SFXN4: variants seen among roughly 807,000 people sequenced by gnomAD.
SFXN4 encodes sideroflexin-4.
In SFXN4, 48 loss-of-function variants were observed where a neutral mutation model predicts 54.6. The ratio of observed to expected loss-of-function variants is 0.88; its 90% confidence interval spans 0.70 to 1.12. The LOEUF is 1.12. Among genes scored for constraint, SFXN4 ranks in the 50% most tolerant of loss-of-function variants. The pLI is 0.00. For synonymous variants in SFXN4, 130 were observed against 145.5 expected (o/e 0.89, Z 0.77); for missense variants, 383 against 409.2 (o/e 0.94, Z 0.55).
At position 119,146,505 on chromosome 10, in the gene SFXN4, TTTTC is replaced by T. The variant is rs141488144; in HGVS notation, c.819-156_819-153del. ...AACACCTGGATCAGGGCCTGTTCTTTTTTCTTTTTGTTGTACCTGAACAGCTAGA... is the reference window on the plus strand; with the variant it reads ...AACACCTGGATCAGGGCCTGTTCTTTTTTTTGTTGTACCTGAACAGCTAGA... On this transcript the variant is annotated intron_variant, in intron 12 of 13. Transcript: ENST00000355697. 1.2e-3 allele frequency: 574 copies of T among 491,448 alleles called. 4 individuals carry two copies. Among genetic ancestry groups the T allele is most frequent in the African/African-American group, 0.01 (517 of 50,898 alleles). 30.4% of individuals were successfully genotyped at this position (491,448 alleles called of 1,614,324 possible).
intron 6 of SFXN4, among the ~76,000 whole-genome samples, chr10:119,159,017 C>T (rs1168695250): frequency 2.0e-5 from 3 of 151,818 alleles, no homozygotes; most frequent in Middle Eastern, 3.4e-3. Flanking sequence ...TGGTGGCTCA[C>T]GCCTGTAATC....
chr10:119,159,215 G>T (rs1374489572), intron 6 of SFXN4, among the ~76,000 whole-genome samples: 4 of 148,708 alleles, frequency 2.7e-5, no homozygotes, highest in East Asian at 2.0e-4. Context: ...GGGAGGCAGA[G>T]GTTGCAGCGA....
intron 11 of SFXN4, among the ~76,000 whole-genome samples, chr10:119,153,266 C>CA (rs1158116190): frequency 6.6e-6 from 1 of 151,836 alleles, no homozygotes; most frequent in Non-Finnish European, 1.5e-5. Context: ...CAAGCATGAG[C>CA]CAGGCATGGT....
At chr10:119,149,658 G>T (rs545368204) in intron 11 of SFXN4, among the ~76,000 whole-genome samples, 1 of 152,304 alleles carries the variant, frequency 6.6e-6, no homozygotes, top group East Asian at 1.9e-4. Flanking sequence ...ACTGAGGCAG[G>T]AGAATCACTT....
intron 6 of SFXN4, among the ~76,000 whole-genome samples, chr10:119,158,989 C>A (rs372487883): frequency 0.013 from 2,004 of 151,538 alleles, 47 homozygotes; most frequent in East Asian, 0.084. Flanking sequence ...TTTTAAAAAA[C>A]AAAAAACGGT....
At chr10:119,151,595 A>G (rs1026514095) in intron 11 of SFXN4, among the ~76,000 whole-genome samples, 24 of 151,682 alleles carry the variant, frequency 1.6e-4, no homozygotes, top group Non-Finnish European at 1.9e-4. Flanking sequence ...AGCTCACTGC[A>G]ACCTCTGCCT....
At chr10:119,149,616 G>T (rs1037092660) in intron 11 of SFXN4, among the ~76,000 whole-genome samples, 1 of 152,128 alleles carries the variant, frequency 6.6e-6, no homozygotes, top group South Asian at 2.1e-4. Flanking sequence ...CGGGCGTGGT[G>T]GTGGGCGCCT....
At chr10:119,158,792 G>C (rs1407031766) in intron 6 of SFXN4, among the ~76,000 whole-genome samples, 1 of 151,852 alleles carries the variant, frequency 6.6e-6, no homozygotes, top group African/African-American at 2.4e-5. Flanking sequence ...ACACCAGCCT[G>C]AGCAATGTAG....
chr10:119,157,482 G>A (rs1034698605), intron 9 of SFXN4, among the ~76,000 whole-genome samples, 186 bp downstream of exon 9: 1 of 151,386 alleles, frequency 6.6e-6, no homozygotes, highest in Admixed American at 6.6e-5. Flanking sequence ...ACAGTACCAT[G>A]TATATGCTTA....
intron 2 of SFXN4, among the ~76,000 whole-genome samples, chr10:119,163,057 C>T (rs1031643621): frequency 6.6e-6 from 1 of 152,188 alleles, no homozygotes; most frequent in Non-Finnish European, 1.5e-5. Flanking sequence ...CTCAGATTCT[C>T]AAAGTGCTGG....
In SFXN4 at chr10:119,160,980, A is replaced by G. The variant is rs765837756; in HGVS notation, c.280-11T>C. On this transcript the variant is annotated splice_polypyrimidine_tract_variant and intron_variant, in intron 4 of 13. Transcript: ENST00000355697. ...GGGATGCACTGTTGCCTTCAAAAGG[A>G]GAGATGCAAGGTTAGCTGGATGTCT... 6.2e-7 allele frequency: 1 copy of G among 1,614,160 alleles called. No homozygotes were observed. Among genetic ancestry groups the G allele is most frequent in the Non-Finnish European group, 8.5e-7 (1 of 1,180,018 alleles).
chr10:119,145,043 A>G (rs1006426613), intron 13 of SFXN4, among the ~76,000 whole-genome samples: 2 of 152,200 alleles, frequency 1.3e-5, no homozygotes, highest in African/African-American at 4.8e-5. Flanking sequence ...GTTAAGAAAA[A>G]CAGAACCCAA....
chr10:119,158,576 A>G (rs1847370660), intron 6 of SFXN4, among the ~76,000 whole-genome samples: 1 of 137,222 alleles, frequency 7.3e-6, no homozygotes, highest in African/African-American at 2.8e-5. Flanking sequence ...AGATCATGCC[A>G]TTGCACTCCA....
intron 11 of SFXN4, among the ~76,000 whole-genome samples, chr10:119,153,754 G>A (rs1214737902): frequency 6.6e-6 from 1 of 152,160 alleles, no homozygotes; most frequent in African/African-American, 2.4e-5. Context: ...TCAGATGCCT[G>A]TCTGTGGCAG....
intron 2 of SFXN4, 44 bp from the exon 3 acceptor site, chr10:119,162,458 T>C: frequency 6.6e-7 from 1 of 1,520,972 alleles, no homozygotes; most frequent in Non-Finnish European, 9.1e-7. Context: ...CTCAACATTG[T>C]TCAGGTTTAT....
In SFXN4 at chr10:119,156,756, C is replaced by T. The variant is rs969689031; in HGVS notation, c.538G>A (p.Val180Ile). Reference protein sequence around the residue: ...GAVASSTFLGVIPQFVQMKYG... With the variant: ...GAVASSTFLGIIPQFVQMKYG... ...TTCATCTGGACAAACTGAGGGATTA[C>T]CTAGAAAAGAAGAGAGAAAAATCAT... Residue 180 changes from valine to isoleucine, a missense_variant and splice_region_variant, in exon 10 of 14, where the codon GTA becomes ATA. Val to Ile is a conservative substitution (Grantham distance 29, BLOSUM62 3). Coordinates refer to ENST00000355697, the MANE Select transcript of SFXN4 (RefSeq NM_213649.2). 1.2e-6 allele frequency: 2 copies of T among 1,604,794 alleles called. No individual in the cohort carries two copies. Among genetic ancestry groups the T allele is most frequent in the African/African-American group, 2.7e-5 (2 of 74,744 alleles).
At chr10:119,164,749 C>T (rs944721142) in intron 1 of SFXN4, among the ~76,000 whole-genome samples, 10 of 152,030 alleles carry the variant, frequency 6.6e-5, no homozygotes, top group African/African-American at 2.4e-4. Flanking sequence ...CCTGAGCTCA[C>T]CGCCCCTTCT....
rs138068075 is a variant in SFXN4, at chr10:119,158,208, G to T, written c.361-146C>A. The T allele has an allele frequency of 4.3e-4, 309 of 725,412 alleles. 1 individual carries two copies. In the East Asian group the frequency reaches 7.9e-3, roughly 19 times the overall value. The allele number at this position is 725,412 out of a possible 1,614,324, so 44.9% of individuals were successfully genotyped here. A position where few individuals can be genotyped will look rare whatever the true frequency, so the allele number is the denominator to read the frequency against. ...ATGGTGGTGGGTACAGGGGCTGCCG[G>T]TCCGTAGACAAGGTTGAGTGAGCAC... On this transcript the variant is annotated intron_variant, in intron 6 of 13. Coordinates refer to ENST00000355697, the MANE Select transcript of SFXN4 (RefSeq NM_213649.2).
intron 13 of SFXN4, among the ~76,000 whole-genome samples, chr10:119,143,898 G>A (rs181535844): frequency 6.6e-6 from 1 of 152,132 alleles, no homozygotes; most frequent in African/African-American, 2.4e-5. Context: ...TTACAGACAT[G>A]AGCCACCGTG....
Sources: gnomAD v4.1 joint callset for allele counts (sites outside exome capture counted in the v4.1 genomes callset) on GRCh38, gnomAD v4.1.1 for gene constraint, MANE v1.5 for transcripts, NCBI Gene and HGNC (gene_info 2026-07-23, HGNC 2026-07-21) for gene names.